RYR3: variants seen among roughly 807,000 people sequenced by gnomAD.
RYR3 encodes the protein ryanodine receptor 3.
RYR3 carries 207 observed loss-of-function variants against 584.3 expected under a neutral mutation model. The observed-to-expected ratio is 0.35, with a 90% confidence interval of 0.32 to 0.40. RYR3 has a LOEUF of 0.40. Among genes scored for constraint, RYR3 ranks in the 10% least tolerant of loss-of-function variants. RYR3 has a pLI of 1.00. For synonymous variants in RYR3, 2,416 were observed against 2,248.5 expected (o/e 1.07, Z -2.11); for missense variants, 5,616 against 6,089.2 (o/e 0.92, Z 2.59).
chr15:33,864,175 G>C lies in RYR3; in HGVS notation c.14503G>C (p.Glu4835Gln). 6.2e-7 allele frequency: 1 copy of C among 1,611,764 alleles called. No individual in the cohort carries two copies. The highest frequency in any genetic ancestry group is 8.5e-7 in the Non-Finnish European group (1 of 1,178,684). The part of the protein sequence containing the change: ...LMYLINKDET[E>Q]HTGQESYVWK... ...GTATTTGATTAATAAAGATGAAACA[G>C]AGCACACGGGTCAGGTGAGAAATTA... The change falls in exon 103 of 104, where the codon GAG becomes CAG. Residue 4835 changes from glutamate (E) to glutamine (Q), a missense_variant. Physicochemically the swap from Glu to Gln is conservative, Grantham distance 29. Around this residue, in one of 9 missense-constraint regions of RYR3, gnomAD observed 918 missense variants for 887.4 expected, o/e 1.03. Transcript: ENST00000634891.
At chr15:33,554,665 C>T (rs550670484) in intron 10 of RYR3, among the ~76,000 whole-genome samples, 1 of 152,276 alleles carries the variant, frequency 6.6e-6, no homozygotes, top group South Asian at 2.1e-4. Context: ...AATCTCTTCC[C>T]AGTACACACC....
intron 47 of RYR3, 67 bp from the exon 48 acceptor site, chr15:33,731,407 C>A: frequency 8.5e-7 from 1 of 1,175,800 alleles, no homozygotes; most frequent in Non-Finnish European, 1.2e-6. Flanking sequence ...CATGGGAACT[C>A]TGTGCAGAGC....
Position 33,664,694 on chromosome 15 carries a change from C to T in RYR3, c.5619+957C>T, listed in dbSNP as rs192513413. ...CTCCCCAGGGTTCTTGCAAGGATCA[C>T]GTGAGATAATTTGTTTGGATTGCTT... On this transcript the variant is annotated intron_variant, in intron 36 of 103. Transcript: ENST00000634891. 1.0e-4 allele frequency among the ~76,000 whole-genome samples: 15 copies of T among 150,004 alleles called. 1 individual carries two copies. Among genetic ancestry groups the T allele is most frequent in the Middle Eastern group, 3.4e-3 (1 of 292 alleles).
At chr15:33,754,095 G>A (rs1567098570) in intron 57 of RYR3, among the ~76,000 whole-genome samples, 1 of 152,128 alleles carries the variant, frequency 6.6e-6, no homozygotes, top group Non-Finnish European at 1.5e-5. Context: ...AGTGAGCCGA[G>A]ATCATGCCAA....
At chr15:33,666,792 T>C (rs766049746) in intron 36 of RYR3, among the ~76,000 whole-genome samples, 3 of 152,210 alleles carry the variant, frequency 2.0e-5, no homozygotes, top group Non-Finnish European at 4.4e-5. Context: ...AGCTGGCCTT[T>C]CACTTCCAAG....
At chr15:33,504,239 C>T (rs2052264570) in intron 3 of RYR3, among the ~76,000 whole-genome samples, 1 of 152,198 alleles carries the variant, frequency 6.6e-6, no homozygotes, top group African/African-American at 2.4e-5. Flanking sequence ...ACAGAATTGT[C>T]TTGAGTTTCC....
intron 67 of RYR3, among the ~76,000 whole-genome samples, chr15:33,793,844 AAAT>A (rs1307157544): frequency 6.7e-5 from 10 of 150,070 alleles, no homozygotes; most frequent in Non-Finnish European, 1.5e-4. Context: ...TTACTATTTA[AAAT>A]AACCTAATTA....
At chr15:33,404,387 G>A (rs1298114630) in intron 1 of RYR3, among the ~76,000 whole-genome samples, 1 of 152,128 alleles carries the variant, frequency 6.6e-6, no homozygotes, top group Non-Finnish European at 1.5e-5. Context: ...CTTGGCCAAC[G>A]TCACACAGAC....
chr15:33,816,855 C>T lies in RYR3; in HGVS notation c.10503-7C>T, dbSNP rs374221046. ...CTCTTGACCTCCCTCTCACCCCTTC[C>T]GCTCAGGCACCGCTCTATTAACCTC... On this transcript the variant is annotated splice_polypyrimidine_tract_variant and splice_region_variant and intron_variant, in intron 74 of 103. Coordinates refer to ENST00000634891, the MANE Select transcript of RYR3 (RefSeq NM_001036.6). The T allele has an allele frequency of 1.6e-4, 257 of 1,603,120 alleles. No homozygotes were observed. The highest frequency in any genetic ancestry group is 2.1e-4 in the Non-Finnish European group (245 of 1,171,744).
In RYR3 at chr15:33,864,150, G is replaced by GTATT. The variant is rs1325528189; in HGVS notation, c.14480_14483dup (p.Ile4829PhefsTer3). On this transcript the variant is annotated frameshift_variant, in exon 103 of 104. Transcript: ENST00000634891. LOFTEE classifies it high-confidence loss of function. The stretch of plus-strand genomic sequence containing the variant: ...TTCCTCGTTCCAGGTTCTTTCTGAT[G>GTATT]TATTTGATTAATAAAGATGAAACAG... 3 of 1,611,832 alleles carry GTATT rather than the reference G, an allele frequency of 1.9e-6. No individual in the cohort carries two copies. The South Asian group carries it at 3.3e-5, about 18-fold the overall frequency.
rs902672132 is a variant in RYR3, at chr15:33,704,116, A to G, written c.6484-2803A>G. 2.0e-5 allele frequency among the ~76,000 whole-genome samples: 3 copies of G among 152,008 alleles called. No individual in the cohort carries two copies. The East Asian group carries it at 5.8e-4, about 29-fold the overall frequency. ...AAAACCCCATCTCTACTAAAAAGAA[A>G]TACAAAAGTTAGCCAGGCATGGTGG... is the stretch of plus-strand genomic sequence containing the variant. On this transcript the variant is annotated intron_variant, in intron 42 of 103. Coordinates refer to ENST00000634891, the MANE Select transcript of RYR3 (RefSeq NM_001036.6).
intron 15 of RYR3, among the ~76,000 whole-genome samples, chr15:33,585,147 A>G (rs1404977513): frequency 6.6e-6 from 1 of 152,128 alleles, no homozygotes; most frequent in Non-Finnish European, 1.5e-5. Context: ...CTCGCAGTGT[A>G]GAAATGACAG....
chr15:33,397,931 T>G (rs1170319631), intron 1 of RYR3, among the ~76,000 whole-genome samples: 1 of 152,210 alleles, frequency 6.6e-6, no homozygotes, highest in East Asian at 1.9e-4. Flanking sequence ...TTCAGTTTTT[T>G]TCTGGGCTCC....
chr15:33,723,159 T>C (rs1200578782), intron 44 of RYR3, among the ~76,000 whole-genome samples: 3 of 152,224 alleles, frequency 2.0e-5, no homozygotes, highest in Admixed American at 6.5e-5. Context: ...GGCCTCCCTA[T>C]AGTATCACCA....
intron 1 of RYR3, among the ~76,000 whole-genome samples, chr15:33,379,687 C>CTCTCTCTATATATATATATATATA: frequency 7.2e-5 from 9 of 125,512 alleles, no homozygotes; most frequent in African/African-American, 1.4e-4. Flanking sequence ...CTCTCTCTCT[C>CTCTCTCTATATATATATATATATA]TATATATATA....
At position 33,719,241 on chromosome 15, in the gene RYR3, G is replaced by C. The variant is rs146692899; in HGVS notation, c.6620-3474G>C. Among the ~76,000 whole-genome samples, 32 of 152,344 alleles carry C rather than the reference G, an allele frequency of 2.1e-4. No individual in the cohort carries two copies. In the East Asian group the frequency reaches 5.2e-3, roughly 25 times the overall value. On this transcript the variant is annotated intron_variant, in intron 43 of 103. Transcript: ENST00000634891. ...GGGCCGGCTTCCTGGGTCACTTGCA[G>C]GAGCAGACCCAATTAGTTCAGTTCT...
At chr15:33,852,450 A>C (rs2079201760) in intron 94 of RYR3, 1 of 154,312 alleles carries the variant, frequency 6.5e-6, no homozygotes, top group African/African-American at 2.4e-5. Flanking sequence ...CCAAAAAAGA[A>C]AGGGATCCAA....
chr15:33,855,428 G>A (rs1016306891), intron 98 of RYR3, among the ~76,000 whole-genome samples: 8 of 152,152 alleles, frequency 5.3e-5, no homozygotes, highest in Admixed American at 2.6e-4. Context: ...GGTCTCAAAC[G>A]CCTGATCTCA....
In RYR3 at chr15:33,351,058, TA is replaced by T. The variant is rs535544254; in HGVS notation, c.51+39968del. On this transcript the variant is annotated intron_variant, in intron 1 of 103. Transcript: ENST00000634891. The stretch of plus-strand genomic sequence containing the variant: ...AGAGAGAAGAATCAAATAGATGCAA[TA>T]AAAAATGATAAAGGGGATCTCACCA... Among the ~76,000 whole-genome samples, 138 of 151,920 alleles carry T rather than the reference TA, an allele frequency of 9.1e-4. 1 individual carries two copies. The highest frequency in any genetic ancestry group is 3.1e-3 in the African/African-American group (130 of 41,416).
Sources: allele counts gnomAD v4.1 joint callset (sites outside exome capture counted in the v4.1 genomes callset), GRCh38; gene constraint gnomAD v4.1.1; regional missense constraint gnomAD v4.1.1; transcripts MANE v1.5; gene names NCBI Gene and HGNC (gene_info 2026-07-23, HGNC 2026-07-21).